GORASP2: variants seen among roughly 807,000 people sequenced by gnomAD.
GORASP2 encodes golgi reassembly stacking protein 2.
Under a neutral mutation model 45.7 loss-of-function variants are expected in GORASP2, and 22 were observed. The observed-to-expected ratio is 0.48, with a 90% CI of 0.34 to 0.69. The LOEUF (loss-of-function observed/expected upper bound fraction) is 0.69. GORASP2 is among the 30% of genes least tolerant of loss of function. The pLI is 0.01. For synonymous variants in GORASP2, 221 were observed against 215.6 expected (o/e 1.02, Z -0.22); for missense variants, 491 against 562.7 (o/e 0.87, Z 1.29).
intron 6 of GORASP2, among the ~76,000 whole-genome samples, chr2:170,955,453 C>T (rs1277986640): frequency 1.3e-5 from 2 of 152,172 alleles, no homozygotes; most frequent in Admixed American, 1.3e-4. Context: ...AGCAGGCTTA[C>T]AGGGCTTTTG....
rs1045772683 is a variant in GORASP2, at chr2:170,954,472, A to C, written c.567-178A>C. On this transcript the variant is annotated intron_variant, in intron 5 of 9. Coordinates refer to ENST00000234160, the MANE Select transcript of GORASP2 (RefSeq NM_015530.5). ...TCTGGGAGACCTCTGCTTAGATGAC[A>C]TTATCTAAAAGAATAGAAATTTGTT... 4 of 583,038 alleles carry C rather than the reference A, an allele frequency of 6.9e-6. No individual in the cohort carries two copies. In the Admixed American group the frequency reaches 1.2e-4, roughly 18 times the overall value. 36.1% of individuals were successfully genotyped at this position (583,038 alleles called of 1,614,324 possible). A position where few individuals can be genotyped will look rare whatever the true frequency, so the allele number is the denominator to read the frequency against.
intron 3 of GORASP2, 149 bp from the exon 4 acceptor site, chr2:170,950,055 A>G (rs1262791251): frequency 1.3e-5 from 7 of 557,550 alleles, no homozygotes; most frequent in Non-Finnish European, 1.9e-5. Context: ...AGTTTAAAAT[A>G]TATTCTGTAG....
At chr2:170,960,671 C>G (rs1298952985) in intron 7 of GORASP2, among the ~76,000 whole-genome samples, 1 of 152,204 alleles carries the variant, frequency 6.6e-6, no homozygotes, top group Non-Finnish European at 1.5e-5. Flanking sequence ...CACTCACTAA[C>G]ATTTTGGTAC....
intron 1 of GORASP2, among the ~76,000 whole-genome samples, chr2:170,936,902 G>A (rs887200655): frequency 1.3e-5 from 2 of 151,936 alleles, no homozygotes; most frequent in African/African-American, 4.8e-5. Flanking sequence ...TAATTAATTC[G>A]TTAATTTTTT....
Position 170,942,448 on chromosome 2 carries a change from G to A in GORASP2, c.64-5902G>A, listed in dbSNP as rs184544825. ...CTGTCTCTATGGATTTGTCTATTGC[G>A]GACATTTCATATTAATTGAATCAAA... On this transcript the variant is annotated intron_variant, in intron 1 of 9. Transcript: ENST00000234160. Among the ~76,000 whole-genome samples, 29 of 152,114 alleles carry A rather than the reference G, an allele frequency of 1.9e-4. 1 individual carries two copies. The East Asian group carries it at 3.7e-3, about 19-fold the overall frequency.
In GORASP2 at chr2:170,936,224, C is replaced by CTTTTTTTTT. The variant is rs3079542; in HGVS notation, c.63+6833_63+6841dup. On this transcript the variant is annotated intron_variant, in intron 1 of 9. Coordinates refer to ENST00000234160, the MANE Select transcript of GORASP2 (RefSeq NM_015530.5). ...GTTTGATATGTGCTTTTGAAACTGA[C>CTTTTTTTTT]TTTTTTTTTTTTTTTTTTTTGAAGC... 1.1e-4 allele frequency among the ~76,000 whole-genome samples: 13 copies of CTTTTTTTTT among 119,034 alleles called. 3 individuals are homozygous for CTTTTTTTTT. Among genetic ancestry groups the CTTTTTTTTT allele is most frequent in the Admixed American group, 4.0e-4 (4 of 10,060 alleles). The allele number at this position is 119,034 out of a possible 152,430, so 78.1% of individuals were successfully genotyped here. A position where few individuals can be genotyped will look rare whatever the true frequency, so the allele number is the denominator to read the frequency against.
chr2:170,947,627 C>T lies in GORASP2; in HGVS notation c.64-723C>T, dbSNP rs540143556. The stretch of plus-strand genomic sequence containing the variant: ...AACAGATTATAAATGTCTTGACATA[C>T]GTGACTATGTGCCTGTATTTGCTTT... On this transcript the variant is annotated intron_variant, in intron 1 of 9. Coordinates refer to ENST00000234160, the MANE Select transcript of GORASP2 (RefSeq NM_015530.5). Among the ~76,000 whole-genome samples the T allele has an allele frequency of 3.3e-5, 5 of 152,126 alleles. No homozygotes were observed. In the South Asian group the frequency reaches 6.2e-4, roughly 19 times the overall value.
At chr2:170,955,753 C>T (rs1321645747) in intron 6 of GORASP2, among the ~76,000 whole-genome samples, 1 of 152,204 alleles carries the variant, frequency 6.6e-6, no homozygotes, top group African/African-American at 2.4e-5. Flanking sequence ...CCCAGTTGAA[C>T]CTCTTTGGGT....
At chr2:170,950,385 T>C in intron 4 of GORASP2, 95 bp downstream of exon 4, 1 of 622,988 alleles carries the variant, frequency 1.6e-6, no homozygotes, top group Non-Finnish European at 2.8e-6. Flanking sequence ...CATTTAGAGT[T>C]AAAATTTCAG....
chr2:170,962,773 C>T lies in GORASP2; in HGVS notation c.911-66C>T, dbSNP rs565462354. ...GAAGTGGCTGGGATTGTTTTTAATA[C>T]ACGAGGATTTATTTCTTCCCCAGGT... On this transcript the variant is annotated intron_variant, in intron 8 of 9. Transcript: ENST00000234160. 4.1e-5 allele frequency: 43 copies of T among 1,055,082 alleles called. No homozygotes were observed. In the South Asian group the frequency reaches 5.1e-4, roughly 13 times the overall value. 65.4% of individuals were successfully genotyped at this position (1,055,082 alleles called of 1,614,324 possible). A position where few individuals can be genotyped will look rare whatever the true frequency, so the allele number is the denominator to read the frequency against.
At chr2:170,941,357 T>C (rs559099855) in intron 1 of GORASP2, among the ~76,000 whole-genome samples, 2 of 152,266 alleles carry the variant, frequency 1.3e-5, no homozygotes, top group African/African-American at 2.4e-5. Flanking sequence ...CTAAGAAGAA[T>C]TGGAAAAAAA....
intron 1 of GORASP2, 25 bp from the exon 2 acceptor site, chr2:170,948,324 TA>T: frequency 7.2e-7 from 1 of 1,380,842 alleles, no homozygotes; most frequent in Non-Finnish European, 1.0e-6. Context: ...TTACATTTTT[TA>T]TTTTTGTCGT....
chr2:170,931,219 A>G (rs1442011228), intron 1 of GORASP2, among the ~76,000 whole-genome samples: 3 of 152,364 alleles, frequency 2.0e-5, no homozygotes, highest in African/African-American at 2.4e-5. Flanking sequence ...GTTGCACACG[A>G]TGAAATAATT....
intron 1 of GORASP2, among the ~76,000 whole-genome samples, chr2:170,937,704 G>A (rs1056273952): frequency 6.6e-6 from 1 of 152,126 alleles, no homozygotes; most frequent in Non-Finnish European, 1.5e-5. Flanking sequence ...GAAGCACCTG[G>A]TACAGTGACT....
At chr2:170,929,141 C>G, upstream of GORASP2, 1 of 414,520 alleles carries the variant, frequency 2.4e-6, no homozygotes, top group Non-Finnish European at 4.2e-6. Context: ...CTTCCAGTGG[C>G]TCGCGGCAGG....
upstream of GORASP2, chr2:170,928,740 A>C (rs1252744068): frequency 6.6e-6 from 1 of 152,236 alleles, no homozygotes; most frequent in East Asian, 1.9e-4. Context: ...CTGTGAGACT[A>C]CTGTTTTATA....
At chr2:170,948,239 C>T (rs933338886) in intron 1 of GORASP2, 111 bp from the exon 2 acceptor site, 2 of 705,832 alleles carry the variant, frequency 2.8e-6, no homozygotes, top group Admixed American at 2.4e-5. Flanking sequence ...CTAGCGTGTA[C>T]TGTATTTCAT....
rs745887092 is a variant in GORASP2, at chr2:170,929,376, G to A, written c.36G>A (p.Gly12=). Residue 12 remains glycine (G), a synonymous_variant, in exon 1 of 10, where the codon GGG becomes GGA. Coordinates refer to ENST00000234160, the MANE Select transcript of GORASP2 (RefSeq NM_015530.5). Reference sequence around the variant, plus strand: ...CGCAAAGCGTCGAGATCCCGGGCGGGGGCACCGAGGGCTACCACGTTCTGC... The same window carrying A: ...CGCAAAGCGTCGAGATCCCGGGCGGAGGCACCGAGGGCTACCACGTTCTGC... ...GSSQSVEIPG[G]GTEGYHVLRV... 6.4e-6 allele frequency: 9 copies of A among 1,416,372 alleles called. No homozygotes were observed. In the Admixed American group the frequency reaches 1.6e-4, roughly 26 times the overall value. The allele number at this position is 1,416,372 out of a possible 1,614,324, so 87.7% of individuals were successfully genotyped here. A position where few individuals can be genotyped will look rare whatever the true frequency, so the allele number is the denominator to read the frequency against.
At chr2:170,930,493 G>A (rs986934460) in intron 1 of GORASP2, among the ~76,000 whole-genome samples, 1 of 152,140 alleles carries the variant, frequency 6.6e-6, no homozygotes, top group African/African-American at 2.4e-5. Flanking sequence ...CCTGCCCTGG[G>A]TCCCATGTTT....
Sources: allele counts gnomAD v4.1 joint callset (sites outside exome capture counted in the v4.1 genomes callset), GRCh38; gene constraint gnomAD v4.1.1; transcripts MANE v1.5; gene names NCBI Gene and HGNC (gene_info 2026-07-23, HGNC 2026-07-21).